ART4: variants seen among roughly 807,000 people sequenced by gnomAD.
The protein encoded by ART4 is ADP-ribosyltransferase 4 (inactive) (Dombrock blood group), also known as ecto-ADP-ribosyltransferase 4.
Under a neutral mutation model 24.2 loss-of-function variants are expected in ART4, and 14 were observed. That is an observed-to-expected ratio of 0.58 (90% CI 0.38 to 0.90). ART4 has a LOEUF of 0.90. Among genes scored for constraint, ART4 ranks in the 40% least tolerant of loss-of-function variants. The probability of loss-of-function intolerance (pLI) is 0.00; values close to 1 mark genes in which losing one functional copy is unlikely to be tolerated. For synonymous variants in ART4, 145 were observed against 139.9 expected (o/e 1.04, Z -0.26); for missense variants, 356 against 366.6 (o/e 0.97, Z 0.24).
intron 1 of ART4, among the ~76,000 whole-genome samples, chr12:14,842,137 T>C (rs1475468062): frequency 1.3e-5 from 2 of 152,154 alleles, no homozygotes; most frequent in African/African-American, 4.8e-5. Context: ...TGAATAGAAG[T>C]CCACAAAATA....
chr12:14,832,051 G>T (rs1950399938), intron 2 of ART4, among the ~76,000 whole-genome samples: 1 of 151,844 alleles, frequency 6.6e-6, no homozygotes, highest in African/African-American at 2.4e-5. Context: ...GATTGAAATA[G>T]CCCCCTACTT....
At position 14,829,427 on chromosome 12, in the gene ART4, T is replaced by C; in HGVS notation, c.889A>G (p.Ile297Val). 1 of 1,610,004 alleles carries C rather than the reference T, an allele frequency of 6.2e-7. No individual in the cohort carries two copies. The highest frequency in any genetic ancestry group is 8.5e-7 in the Non-Finnish European group (1 of 1,178,634). ...CTGGTCAAAAAGGAGAGAGATGCAA[T>C]AGCTATAGGATCAGGGATGCATTTC... The part of the protein sequence containing the change: ...SKKCIPDPIA[I>V]ASLSFLTSVI... Residue 297 changes from isoleucine (I) to valine (V), a missense_variant, in exon 3 of 3, where the codon ATT becomes GTT. By Grantham distance (29) the Ile-to-Val change is conservative. Transcript: ENST00000228936.
rs1381695228 is a variant in ART4, at chr12:14,825,854, AAAGT to A, written c.*3513_*3516del. The stretch of plus-strand genomic sequence containing the variant: ...AAAGAGAACACCTTGTTATAAAAAT[AAAGT>A]ATTACATGGGTTGAGTGTTTTTACT... On this transcript the variant is annotated 3_prime_UTR_variant, in exon 3 of 3. Transcript: ENST00000228936. 1 of 152,224 alleles carries A rather than the reference AAAGT, an allele frequency of 6.6e-6. No homozygotes were observed. Among genetic ancestry groups the A allele is most frequent in the Non-Finnish European group, 1.5e-5 (1 of 68,040 alleles). The allele number at this position is 152,224 out of a possible 1,614,324, so 9.4% of individuals were successfully genotyped here.
intron 2 of ART4, among the ~76,000 whole-genome samples, chr12:14,835,667 G>A (rs894356747): frequency 6.6e-6 from 1 of 151,206 alleles, no homozygotes; most frequent in Non-Finnish European, 1.5e-5. Flanking sequence ...GTGCAGTGGC[G>A]CGATCTTGGC....
At chr12:14,832,910 T>A (rs1950406069) in intron 2 of ART4, among the ~76,000 whole-genome samples, 1 of 152,234 alleles carries the variant, frequency 6.6e-6, no homozygotes. Context: ...GGCATTATTA[T>A]TATTATTGTT....
At chr12:14,835,525 A>T (rs1950424125) in intron 2 of ART4, among the ~76,000 whole-genome samples, 1 of 152,194 alleles carries the variant, frequency 6.6e-6, no homozygotes, top group Non-Finnish European at 1.5e-5. Context: ...TCCTTCGCTT[A>T]CTGATTGAGA....
chr12:14,840,723 A>G lies in ART4; in HGVS notation c.575T>C (p.Val192Ala). 1 of 1,614,138 alleles carries G rather than the reference A, an allele frequency of 6.2e-7. No individual in the cohort carries two copies. Among genetic ancestry groups the G allele is most frequent in the Non-Finnish European group, 8.5e-7 (1 of 1,180,026 alleles). The change falls in exon 2 of 3, where the codon GTC becomes GCC. Residue 192 changes from valine to alanine, a missense_variant. Val to Ala is a moderately conservative substitution (Grantham distance 64). Transcript: ENST00000228936. Reference protein sequence around the residue: ...CYEVHYRTKDVHFNAYTGATI... With the variant: ...CYEVHYRTKDAHFNAYTGATI... Reference sequence around the variant, plus strand: ...GGCCCCTGTGTAGGCATTAAAGTGGACATCCTTCGTCCTATAATGCACCTC... The same window carrying G: ...GGCCCCTGTGTAGGCATTAAAGTGGGCATCCTTCGTCCTATAATGCACCTC...
At position 14,840,465 on chromosome 12, in the gene ART4, T is replaced by C. The variant is rs758817181; in HGVS notation, c.833A>G (p.Tyr278Cys). Reference protein sequence around the residue: ...QLRSTGNLSTYNCQLLKASSK... With the variant: ...QLRSTGNLSTCNCQLLKASSK... ...AATACCTTTTAGCAGCTGACAGTTA[T>C]ATGTGCTCAGGTTCCCAGTTGACCT... The change falls in exon 2 of 3, where the codon TAT becomes TGT. Residue 278 changes from tyrosine (Y) to cysteine (C), a missense_variant. Tyr to Cys is a radical substitution (Grantham distance 194). Transcript: ENST00000228936. 2.5e-6 allele frequency: 4 copies of C among 1,612,150 alleles called. No individual in the cohort carries two copies. The highest frequency in any genetic ancestry group is 1.1e-5 in the South Asian group (1 of 90,590).
intron 2 of ART4, among the ~76,000 whole-genome samples, chr12:14,833,219 G>T (rs1485753998): frequency 1.3e-5 from 2 of 152,138 alleles, no homozygotes; most frequent in African/African-American, 4.8e-5. Context: ...CACTGCCTAT[G>T]AAAAGGGTAA....
At chr12:14,831,932 C>G (rs1011414191) in intron 2 of ART4, among the ~76,000 whole-genome samples, 3 of 152,174 alleles carry the variant, frequency 2.0e-5, no homozygotes, top group African/African-American at 7.2e-5. Context: ...ATTCTTCACT[C>G]TTCTTTTTCC....
chr12:14,835,778 G>A (rs1029003364), intron 2 of ART4, among the ~76,000 whole-genome samples: 1 of 151,880 alleles, frequency 6.6e-6, no homozygotes. Flanking sequence ...GCTAATTTTT[G>A]TATTTTTAGT....
At chr12:14,829,538 C>T (rs1439338678) in intron 2 of ART4, 76 bp from the exon 3 acceptor site, 2 of 985,998 alleles carry the variant, frequency 2.0e-6, no homozygotes, top group African/African-American at 1.7e-5. Flanking sequence ...TCCATTGATC[C>T]ACTTACTTAA....
chr12:14,835,972 T>A (rs997736499), intron 2 of ART4, among the ~76,000 whole-genome samples: 3 of 152,188 alleles, frequency 2.0e-5, no homozygotes, highest in African/African-American at 7.2e-5. Flanking sequence ...TTCAGTAGTG[T>A]CCCTTTATCC....
Position 14,829,108 on chromosome 12 carries a change from T to C in ART4, c.*263A>G, listed in dbSNP as rs1404649113. 3.7e-6 allele frequency: 1 copy of C among 272,196 alleles called. No homozygotes were observed. The highest frequency in any genetic ancestry group is 6.7e-6 in the Non-Finnish European group (1 of 148,634). The allele number at this position is 272,196 out of a possible 1,614,324, so 16.9% of individuals were successfully genotyped here. The stretch of plus-strand genomic sequence containing the variant: ...TGAGTTACAGGCCAATCACAGTCAG[T>C]GGGCTGAGCCAGCTCTGCATCAGTT... On this transcript the variant is annotated 3_prime_UTR_variant, in exon 3 of 3. Transcript: ENST00000228936.
In ART4 at chr12:14,829,340, T is replaced by G; in HGVS notation, c.*31A>C. 1 of 1,388,948 alleles carries G rather than the reference T, an allele frequency of 7.2e-7. No individual in the cohort carries two copies. The highest frequency in any genetic ancestry group is 1.5e-5 in the South Asian group (1 of 66,840). 86.0% of individuals were successfully genotyped at this position (1,388,948 alleles called of 1,614,324 possible). The stretch of plus-strand genomic sequence containing the variant: ...ATAAAAAAGATTTTATTTAAATATT[T>G]TTTTTAAATAAAAGGAGCCACAAGA... On this transcript the variant is annotated 3_prime_UTR_variant, in exon 3 of 3. Transcript: ENST00000228936.
chr12:14,829,504 T>G, intron 2 of ART4, 42 bp from the exon 3 acceptor site: 2 of 1,471,842 alleles, frequency 1.4e-6, no homozygotes, highest in Non-Finnish European at 1.9e-6. Flanking sequence ...GGTAGCAGAG[T>G]TTTTTTTAAA....
chr12:14,834,648 G>T (rs1249513028), intron 2 of ART4, among the ~76,000 whole-genome samples: 2 of 152,186 alleles, frequency 1.3e-5, no homozygotes, highest in Non-Finnish European at 2.9e-5. Flanking sequence ...ATGTATTTGT[G>T]TGTCTACAGA....
chr12:14,836,598 T>C (rs1950432691), intron 2 of ART4, among the ~76,000 whole-genome samples: 1 of 152,212 alleles, frequency 6.6e-6, no homozygotes, highest in African/African-American at 2.4e-5. Context: ...ACTGCAATTT[T>C]TTGCCCTCAA....
At chr12:14,831,470 G>A (rs956797071) in intron 2 of ART4, among the ~76,000 whole-genome samples, 4 of 150,976 alleles carry the variant, frequency 2.6e-5, no homozygotes, top group Non-Finnish European at 5.9e-5. Context: ...TTACCACATT[G>A]CCCAGGCTGG....
Sources: gnomAD v4.1 joint callset for allele counts (sites outside exome capture counted in the v4.1 genomes callset) on GRCh38, gnomAD v4.1.1 for gene constraint, MANE v1.5 for transcripts, NCBI Gene and HGNC (gene_info 2026-07-23, HGNC 2026-07-21) for gene names.